The following FAM163A variants were observed in gnomAD, a reference collection of about 807,000 sequenced individuals.
The protein encoded by FAM163A is protein FAM163A.
FAM163A carries 7 observed loss-of-function variants against 12.0 expected under a neutral mutation model. That is an observed-to-expected ratio of 0.58 (90% CI 0.33 to 1.10). The LOEUF (loss-of-function observed/expected upper bound fraction) is 1.10. Among genes scored for constraint, FAM163A ranks in the 50% least tolerant of loss-of-function variants. The pLI is 0.03. For missense variants in FAM163A, 202 were observed against 218.6 expected (o/e 0.92, Z 0.48); for synonymous variants, 101 against 91.0 (o/e 1.11, Z -0.62).
At chr1:179,760,125 C>T (rs1021792190) in intron 1 of FAM163A, among the ~76,000 whole-genome samples, 2 of 152,050 alleles carry the variant, frequency 1.3e-5, no homozygotes, top group Non-Finnish European at 2.9e-5. Context: ...GCGGTCCAGG[C>T]GAGAGTCTGA....
chr1:179,809,423 G>A (rs1334956770), intron 2 of FAM163A, among the ~76,000 whole-genome samples: 4 of 152,152 alleles, frequency 2.6e-5, no homozygotes, highest in Non-Finnish European at 2.9e-5. Flanking sequence ...AGAGCTGAGC[G>A]TTTTGTTCAT....
chr1:179,759,456 G>T (rs145847395), intron 1 of FAM163A, among the ~76,000 whole-genome samples: 1 of 152,180 alleles, frequency 6.6e-6, no homozygotes, highest in Non-Finnish European at 1.5e-5. Context: ...GCAAGGTCAC[G>T]TGGATGAAGG....
chr1:179,777,256 A>G (rs113103970), intron 1 of FAM163A, among the ~76,000 whole-genome samples: 1 of 152,302 alleles, frequency 6.6e-6, no homozygotes, highest in African/African-American at 2.4e-5. Flanking sequence ...TTGCCCAAAA[A>G]CTTTAAACAT....
chr1:179,731,069 A>T, the FAM163A span, among the ~76,000 whole-genome samples: 2 of 152,298 alleles, frequency 1.3e-5, no homozygotes, highest in Middle Eastern at 3.4e-3. Flanking sequence ...TGCAAAAGAG[A>T]AAGTTATATA....
intron 1 of FAM163A, among the ~76,000 whole-genome samples, chr1:179,807,390 A>G (rs1047005145): frequency 6.6e-6 from 1 of 152,184 alleles, no homozygotes; most frequent in Non-Finnish European, 1.5e-5. Context: ...GGAAAGAGGT[A>G]TGTTAAGAGC....
At chr1:179,811,756 G>T (rs1694735049) in intron 2 of FAM163A, among the ~76,000 whole-genome samples, 1 of 152,194 alleles carries the variant, frequency 6.6e-6, no homozygotes, top group South Asian at 2.1e-4. Context: ...GCCCCCACTT[G>T]CCCTTTGAGT....
At chr1:179,738,308 A>C (rs924283487), upstream of FAM163A, among the ~76,000 whole-genome samples, 1 of 152,242 alleles carries the variant, frequency 6.6e-6, no homozygotes, top group Non-Finnish European at 1.5e-5. Flanking sequence ...AATTACCCTG[A>C]TTTGATCATT....
intron 1 of FAM163A, among the ~76,000 whole-genome samples, chr1:179,746,064 T>C (rs569171974): frequency 1.3e-5 from 2 of 152,366 alleles, no homozygotes; most frequent in East Asian, 3.8e-4. Flanking sequence ...AAAGGACTAA[T>C]TTCTTATTAA....
intron 1 of FAM163A, among the ~76,000 whole-genome samples, chr1:179,802,563 TG>T (rs1482863089): frequency 6.6e-6 from 1 of 152,134 alleles, no homozygotes; most frequent in African/African-American, 2.4e-5. Flanking sequence ...ACCTTATGGC[TG>T]TGTTAAGAAA....
intron 1 of FAM163A, among the ~76,000 whole-genome samples, chr1:179,757,709 G>T (rs1446313152): frequency 1.3e-5 from 2 of 152,234 alleles, no homozygotes; most frequent in Non-Finnish European, 2.9e-5. Flanking sequence ...CTACTCAGGA[G>T]GCTGAGGCAG....
intron 1 of FAM163A, among the ~76,000 whole-genome samples, chr1:179,792,408 G>GT (rs769641275): frequency 1.3e-5 from 2 of 151,938 alleles, no homozygotes; most frequent in Non-Finnish European, 1.5e-5. Context: ...GCCTCCCAAA[G>GT]TGGTGGGATT....
chr1:179,783,810 C>A (rs939595432), intron 1 of FAM163A, among the ~76,000 whole-genome samples: 7 of 102,490 alleles, frequency 6.8e-5, no homozygotes, highest in Non-Finnish European at 1.5e-4. Flanking sequence ...ATATATAATT[C>A]CCAAATATTA....
intron 1 of FAM163A, among the ~76,000 whole-genome samples, chr1:179,807,392 G>A (rs1354629168): frequency 6.6e-6 from 1 of 152,174 alleles, no homozygotes; most frequent in Non-Finnish European, 1.5e-5. Flanking sequence ...AAAGAGGTAT[G>A]TTAAGAGCAG....
intron 1 of FAM163A, among the ~76,000 whole-genome samples, chr1:179,772,592 C>T (rs1379820312): frequency 2.0e-5 from 3 of 152,162 alleles, no homozygotes; most frequent in Non-Finnish European, 4.4e-5. Context: ...AGAACCACTG[C>T]CCTGAAGCAT....
At chr1:179,801,033 T>A (rs1229336861) in intron 1 of FAM163A, among the ~76,000 whole-genome samples, 3 of 152,114 alleles carry the variant, frequency 2.0e-5, no homozygotes, top group Admixed American at 1.3e-4. Flanking sequence ...GTTCTCATGG[T>A]CACCCCTGGC....
Position 179,807,751 on chromosome 1 carries a change from G to C in FAM163A, c.-135-47G>C, listed in dbSNP as rs140399119. 871 of 152,548 alleles carry C rather than the reference G, an allele frequency of 5.7e-3. 8 individuals carry two copies. The highest frequency in any genetic ancestry group is 0.014 in the Middle Eastern group (4 of 296). 9.4% of individuals were successfully genotyped at this position (152,548 alleles called of 1,614,324 possible). On this transcript the variant is annotated intron_variant, in intron 1 of 4. Coordinates refer to ENST00000341785, the MANE Select transcript of FAM163A (RefSeq NM_173509.3). ...GCCAGCAGGAGCCTGTCTGTCCTCA[G>C]CCTCCCTGTCCAGCTCTCATGAGCC...
intron 2 of FAM163A, among the ~76,000 whole-genome samples, chr1:179,811,843 G>A (rs949653033): frequency 1.3e-5 from 2 of 152,154 alleles, no homozygotes; most frequent in African/African-American, 4.8e-5. Flanking sequence ...TCGGAGGAGA[G>A]GAGTCCATTT....
intron 1 of FAM163A, among the ~76,000 whole-genome samples, chr1:179,769,430 G>A (rs768388887): frequency 5.9e-5 from 9 of 152,080 alleles, no homozygotes; most frequent in Non-Finnish European, 1.0e-4. Flanking sequence ...TGGGATTACA[G>A]AGGTCTTCCA....
intron 1 of FAM163A, among the ~76,000 whole-genome samples, chr1:179,791,252 G>A (rs1420251657): frequency 1.3e-5 from 2 of 152,178 alleles, no homozygotes; most frequent in Admixed American, 6.5e-5. Flanking sequence ...ACCCAGGCAC[G>A]AGAGGCCCCT....
Sources: gnomAD v4.1 joint callset for allele counts (sites outside exome capture counted in the v4.1 genomes callset) on GRCh38, gnomAD v4.1.1 for gene constraint, MANE v1.5 for transcripts, NCBI Gene and HGNC (gene_info 2026-07-23, HGNC 2026-07-21) for gene names.